The following TRPM7 variants were observed in gnomAD, a reference collection of about 807,000 sequenced individuals.
The protein encoded by TRPM7 is LTRPC ion channel family member 7.
Under a neutral mutation model 229.7 loss-of-function variants are expected in TRPM7, and 134 were observed. That is an observed-to-expected ratio of 0.58 (90% CI 0.51 to 0.67). The LOEUF (loss-of-function observed/expected upper bound fraction) is 0.67. Among genes scored for constraint, TRPM7 ranks in the 30% least tolerant of loss-of-function variants. TRPM7 has a pLI of 0.00. For missense variants in TRPM7, 1,901 were observed against 2,210.0 expected (o/e 0.86, Z 2.80); for synonymous variants, 699 against 715.2 (o/e 0.98, Z 0.36).
chr15:50,584,204 GAA>G (rs983538039), intron 28 of TRPM7, among the ~76,000 whole-genome samples: 10 of 152,164 alleles, frequency 6.6e-5, no homozygotes, highest in African/African-American at 2.4e-4. Context: ...TCAGAATGAA[GAA>G]AGGAAAATCT....
At chr15:50,638,745 G>C (rs1471853187) in intron 6 of TRPM7, among the ~76,000 whole-genome samples, 1 of 150,362 alleles carries the variant, frequency 6.7e-6, no homozygotes, top group African/African-American at 2.4e-5. Context: ...GAATGCAGTG[G>C]CTCAATTTCA....
At position 50,612,951 on chromosome 15, in the gene TRPM7, A is replaced by C. The variant is rs887353240; in HGVS notation, c.1771-122T>G. ...CTCCATAAAACTGCACAATAGCATA[A>C]ATTTTATAAACTTGATTTTTATTAT... is the stretch of plus-strand genomic sequence containing the variant. On this transcript the variant is annotated intron_variant, in intron 15 of 38. Coordinates refer to ENST00000646667, the MANE Select transcript of TRPM7 (RefSeq NM_017672.6). 17 of 775,582 alleles carry C rather than the reference A, an allele frequency of 2.2e-5. No individual in the cohort carries two copies. In the African/African-American group the frequency reaches 2.5e-4, roughly 11 times the overall value. The allele number at this position is 775,582 out of a possible 1,614,324, so 48.0% of individuals were successfully genotyped here. A position where few individuals can be genotyped will look rare whatever the true frequency, so the allele number is the denominator to read the frequency against.
In TRPM7 at chr15:50,560,420, AG is replaced by A. The variant is rs1217187796; in HGVS notation, c.*1257del. ...AATCAATATTAAACACTATTTAAACAGCTTATCATCTCTTGCCTTGTCTGTA... is the reference window on the plus strand; with the variant it reads ...AATCAATATTAAACACTATTTAAACACTTATCATCTCTTGCCTTGTCTGTA... On this transcript the variant is annotated 3_prime_UTR_variant, in exon 39 of 39. Coordinates refer to ENST00000646667, the MANE Select transcript of TRPM7 (RefSeq NM_017672.6). 1.3e-5 allele frequency: 2 copies of A among 152,614 alleles called. No individual in the cohort carries two copies. Among genetic ancestry groups the A allele is most frequent in the Admixed American group, 1.3e-4 (2 of 15,272 alleles). The allele number at this position is 152,614 out of a possible 1,614,324, so 9.5% of individuals were successfully genotyped here. A position where few individuals can be genotyped will look rare whatever the true frequency, so the allele number is the denominator to read the frequency against.
chr15:50,674,488 T>G (rs1352941487), intron 1 of TRPM7, among the ~76,000 whole-genome samples: 1 of 152,180 alleles, frequency 6.6e-6, no homozygotes. Context: ...TTGTACTATG[T>G]ATCCCTTAAC....
At chr15:50,611,815 TG>T (rs1202092537) in intron 16 of TRPM7, among the ~76,000 whole-genome samples, 1 of 152,212 alleles carries the variant, frequency 6.6e-6, no homozygotes, top group Non-Finnish European at 1.5e-5. Flanking sequence ...ATACCCCACT[TG>T]GGGAGCCGGA....
At chr15:50,569,782 T>C (rs1336191633) in intron 38 of TRPM7, 105 bp downstream of exon 38, 2 of 590,234 alleles carry the variant, frequency 3.4e-6, no homozygotes, top group African/African-American at 3.8e-5. Context: ...GCTGGCACAA[T>C]TAGAGACCAT....
In TRPM7 at chr15:50,650,500, G is replaced by C. The variant is rs1335099786; in HGVS notation, c.123-1615C>G. 5.9e-5 allele frequency among the ~76,000 whole-genome samples: 9 copies of C among 152,072 alleles called. No individual in the cohort carries two copies. In the East Asian group the frequency reaches 1.8e-3, roughly 30 times the overall value. ...ACCTGAGGTCAGGAGCTCTAGACCAGCCTGACCAATATGGTGAAACTCTGT... is the reference window on the plus strand; with the variant it reads ...ACCTGAGGTCAGGAGCTCTAGACCACCCTGACCAATATGGTGAAACTCTGT... On this transcript the variant is annotated intron_variant, in intron 3 of 38. Coordinates refer to ENST00000646667, the MANE Select transcript of TRPM7 (RefSeq NM_017672.6).
chr15:50,610,532 C>T (rs1016191993), intron 17 of TRPM7, among the ~76,000 whole-genome samples: 2 of 152,156 alleles, frequency 1.3e-5, no homozygotes, highest in African/African-American at 4.8e-5. Flanking sequence ...CTGACTCCTA[C>T]ATTTCTGCAC....
chr15:50,640,091 G>T (rs912246155), intron 5 of TRPM7, among the ~76,000 whole-genome samples: 1 of 151,880 alleles, frequency 6.6e-6, no homozygotes, highest in African/African-American at 2.4e-5. Context: ...TCTCCTCTAA[G>T]TAACTGTAGT....
At chr15:50,583,270 A>C in intron 28 of TRPM7, 111 bp from the exon 29 acceptor site, 3 of 617,034 alleles carry the variant, frequency 4.9e-6, no homozygotes, top group Non-Finnish European at 8.0e-6. Flanking sequence ...AAGATAACTC[A>C]ACCTTTCCTC....
intron 27 of TRPM7, 72 bp from the exon 28 acceptor site, chr15:50,586,560 T>TTAGA: frequency 3.2e-6 from 3 of 927,746 alleles, no homozygotes; most frequent in Admixed American, 2.1e-5. Context: ...CTAAGTAGTA[T>TTAGA]TAGAGTCCCT....
chr15:50,566,187 A>G (rs2053589985), intron 38 of TRPM7, among the ~76,000 whole-genome samples: 1 of 152,120 alleles, frequency 6.6e-6, no homozygotes, highest in Non-Finnish European at 1.5e-5. Flanking sequence ...TGTTTCTTTT[A>G]TAATAGAATT....
chr15:50,606,379 A>AAAACAAACAAAC (rs373781520), intron 20 of TRPM7, among the ~76,000 whole-genome samples: 3,645 of 151,942 alleles, frequency 0.024, 151 homozygotes, highest in African/African-American at 0.084. Context: ...ACTACGTCTC[A>AAAACAAACAAAC]AAACAAACAA....
At chr15:50,613,109 A>C (rs1405729768) in intron 15 of TRPM7, among the ~76,000 whole-genome samples, 1 of 152,244 alleles carries the variant, frequency 6.6e-6, no homozygotes, top group Non-Finnish European at 1.5e-5. Flanking sequence ...GGGTTAGATA[A>C]CATTTTTGTT....
At chr15:50,601,289 T>C (rs2059773702) in intron 21 of TRPM7, among the ~76,000 whole-genome samples, 1 of 152,198 alleles carries the variant, frequency 6.6e-6, no homozygotes, top group Non-Finnish European at 1.5e-5. Context: ...TTGTGCTTGA[T>C]AGGAATTTAA....
chr15:50,640,754 G>T (rs2061077940), intron 5 of TRPM7, among the ~76,000 whole-genome samples: 1 of 152,100 alleles, frequency 6.6e-6, no homozygotes, highest in Non-Finnish European at 1.5e-5. Context: ...AAGGCCTCTG[G>T]AGTGGCCCTG....
At chr15:50,656,806 G>T (rs1179747146) in intron 3 of TRPM7, among the ~76,000 whole-genome samples, 1 of 151,930 alleles carries the variant, frequency 6.6e-6, no homozygotes, top group African/African-American at 2.4e-5. Flanking sequence ...TTACTCAGTT[G>T]CCTAAGAAGG....
intron 29 of TRPM7, among the ~76,000 whole-genome samples, chr15:50,581,139 C>T (rs1596089372): frequency 6.6e-6 from 1 of 152,012 alleles, no homozygotes; most frequent in Non-Finnish European, 1.5e-5. Flanking sequence ...TGTTATTTCC[C>T]ACAACATTGT....
chr15:50,681,304 A>T (rs1372983191), intron 1 of TRPM7, among the ~76,000 whole-genome samples: 2 of 136,352 alleles, frequency 1.5e-5, no homozygotes, highest in Non-Finnish European at 3.1e-5. Flanking sequence ...AAGCATTCAG[A>T]GCAATGGCCA....
Sources: allele counts gnomAD v4.1 joint callset (sites outside exome capture counted in the v4.1 genomes callset), GRCh38; gene constraint gnomAD v4.1.1; transcripts MANE v1.5; gene names NCBI Gene and HGNC (gene_info 2026-07-23, HGNC 2026-07-21).